GPR161: variants seen among roughly 807,000 people sequenced by gnomAD.
GPR161 encodes the protein G protein-coupled receptor 161.
Under a neutral mutation model 39.2 loss-of-function variants are expected in GPR161, and 25 were observed. The observed-to-expected ratio is 0.64, with a 90% CI of 0.47 to 0.89. The LOEUF is 0.89. GPR161 is among the 40% of genes least tolerant of loss of function. The pLI is 0.00. For missense variants in GPR161, 547 were observed against 677.8 expected (o/e 0.81, Z 2.14); for synonymous variants, 286 against 276.6 (o/e 1.03, Z -0.34).
Position 168,130,008 on chromosome 1 carries a change from T to C in GPR161, c.-45+6731A>G, listed in dbSNP as rs531925849. Among the ~76,000 whole-genome samples the C allele has an allele frequency of 2.6e-4, 39 of 152,356 alleles. No individual in the cohort carries two copies. In the South Asian group the frequency reaches 7.9e-3, roughly 31 times the overall value. Reference sequence around the variant, plus strand: ...GACACTTCTGACTCCTTTCATTTTTTTGAGACTCCCTCTTCCCTTGTCTTC... The same window carrying C: ...GACACTTCTGACTCCTTTCATTTTTCTGAGACTCCCTCTTCCCTTGTCTTC... On this transcript the variant is annotated intron_variant, in intron 1 of 5. Transcript: ENST00000682931.
At chr1:168,115,905 A>G (rs999555687) in intron 1 of GPR161, among the ~76,000 whole-genome samples, 1 of 151,904 alleles carries the variant, frequency 6.6e-6, no homozygotes, top group Non-Finnish European at 1.5e-5. Context: ...CCTCCCGAGC[A>G]GCTGAGACTA....
chr1:168,103,688 C>T (rs548609259), intron 2 of GPR161, among the ~76,000 whole-genome samples: 2 of 152,216 alleles, frequency 1.3e-5, no homozygotes, highest in Non-Finnish European at 2.9e-5. Context: ...TACTTACTCT[C>T]CTCCCCAATT....
At chr1:168,136,960 C>A (rs1470884433), upstream of GPR161, 4 of 934,026 alleles carry the variant, frequency 4.3e-6, no homozygotes, top group African/African-American at 1.9e-5. Context: ...CCCGCCCCGC[C>A]CCCCCCACGC....
In GPR161 at chr1:168,097,115, A is replaced by G. The variant is rs1695628323; in HGVS notation, c.492T>C (p.Phe164=). The G allele has an allele frequency of 6.2e-7, 1 of 1,614,040 alleles. No homozygotes were observed. The highest frequency in any genetic ancestry group is 1.7e-5 in the Admixed American group (1 of 60,008). ...CGTCAAACTCCACGGATGACCAACC[A>G]AACAGGGGTGGCAGGCAGCCGATGA... The part of the protein sequence containing the change: ...HSLIGCLPPL[F]GWSSVEFDEF... The change falls in exon 3 of 6, where the codon TTT becomes TTC. Residue 164 remains phenylalanine (F), a synonymous_variant. Coordinates refer to ENST00000682931, the MANE Select transcript of GPR161 (RefSeq NM_001375883.1).
intron 1 of GPR161, among the ~76,000 whole-genome samples, chr1:168,106,555 C>A (rs1696647236): frequency 6.6e-6 from 1 of 152,204 alleles, no homozygotes; most frequent in African/African-American, 2.4e-5. Flanking sequence ...TCACTGAGCT[C>A]CAGCCTGGGT....
chr1:168,105,255 C>G (rs573939765), intron 1 of GPR161, among the ~76,000 whole-genome samples: 10 of 152,284 alleles, frequency 6.6e-5, no homozygotes, highest in African/African-American at 2.4e-4. Context: ...AGATCACAGG[C>G]ACAACCTAGG....
At chr1:168,099,420 A>ACGGC (rs1031256801) in intron 2 of GPR161, among the ~76,000 whole-genome samples, 2 of 152,302 alleles carry the variant, frequency 1.3e-5, no homozygotes, top group Non-Finnish European at 2.9e-5. Flanking sequence ...TCGGTAGTGT[A>ACGGC]CGGCCGGTTG....
chr1:168,103,283 C>T (rs999969336), intron 2 of GPR161, among the ~76,000 whole-genome samples: 1 of 151,990 alleles, frequency 6.6e-6, no homozygotes, highest in African/African-American at 2.4e-5. Flanking sequence ...GAGCCAGAAG[C>T]CTATTTCAAA....
intron 2 of GPR161, among the ~76,000 whole-genome samples, chr1:168,097,895 GAGAAAGAC>G (rs560597210): frequency 2.4e-4 from 36 of 152,298 alleles, no homozygotes; most frequent in African/African-American, 8.4e-4. Context: ...AGACCCATGG[GAGAAAGAC>G]AGAAAGCCAG....
chr1:168,132,979 A>G (rs55869127), intron 1 of GPR161, among the ~76,000 whole-genome samples: 10,149 of 152,260 alleles, frequency 0.067, 424 homozygotes, highest in Middle Eastern at 0.099. Context: ...TCCTGACCTC[A>G]GATGATCTGC....
At chr1:168,107,210 T>C (rs1696692419) in intron 1 of GPR161, among the ~76,000 whole-genome samples, 1 of 150,752 alleles carries the variant, frequency 6.6e-6, no homozygotes, top group African/African-American at 2.4e-5. Flanking sequence ...AAGAACTAGT[T>C]AAAAAAAAAT....
At chr1:168,124,654 A>G (rs1698452885) in intron 1 of GPR161, among the ~76,000 whole-genome samples, 1 of 152,194 alleles carries the variant, frequency 6.6e-6, no homozygotes, top group Non-Finnish European at 1.5e-5. Flanking sequence ...TGATTCCCTT[A>G]AGACTGGTAA....
At chr1:168,136,206 C>G in intron 1 of GPR161, 1 of 1,278,474 alleles carries the variant, frequency 7.8e-7, no homozygotes, top group Non-Finnish European at 9.9e-7. Flanking sequence ...GCCGCCCGCC[C>G]AGGCTCGGGG....
chr1:168,111,641 C>T (rs986980131), intron 1 of GPR161, among the ~76,000 whole-genome samples: 1 of 152,160 alleles, frequency 6.6e-6, no homozygotes, highest in Non-Finnish European at 1.5e-5. Flanking sequence ...CCTGAAGTCA[C>T]CTTTCTCCTG....
intron 1 of GPR161, among the ~76,000 whole-genome samples, chr1:168,129,500 G>A (rs1698832379): frequency 6.6e-6 from 1 of 152,142 alleles, no homozygotes; most frequent in Non-Finnish European, 1.5e-5. Context: ...GGTGAAGGGG[G>A]GACTGCAAGG....
At chr1:168,115,971 G>T (rs560830158) in intron 1 of GPR161, among the ~76,000 whole-genome samples, 3 of 152,032 alleles carry the variant, frequency 2.0e-5, no homozygotes, top group Admixed American at 6.6e-5. Context: ...TAAAGACGGG[G>T]TTTCACTGTG....
At chr1:168,115,889 C>A (rs1464797269) in intron 1 of GPR161, among the ~76,000 whole-genome samples, 1 of 152,048 alleles carries the variant, frequency 6.6e-6, no homozygotes, top group African/African-American at 2.4e-5. Flanking sequence ...CATTCTCCTG[C>A]CTCAGCCTCC....
Position 168,082,272 on chromosome 1 carries a change from C to T in GPR161, c.*3259G>A, listed in dbSNP as rs935495510. ...TCACTCAGTGGCAATACCTGTGAAC[C>T]TGGATGGGGTCATGCATGTAAGCAG... On this transcript the variant is annotated 3_prime_UTR_variant, in exon 6 of 6. Transcript: ENST00000682931. The T allele has an allele frequency of 6.6e-6, 1 of 152,214 alleles. No individual in the cohort carries two copies. The highest frequency in any genetic ancestry group is 2.4e-5 in the African/African-American group (1 of 41,430). 9.4% of individuals were successfully genotyped at this position (152,214 alleles called of 1,614,324 possible).
At chr1:168,086,293 C>T (rs186673851) in intron 5 of GPR161, among the ~76,000 whole-genome samples, 3 of 152,288 alleles carry the variant, frequency 2.0e-5, no homozygotes, top group South Asian at 4.1e-4. Context: ...CAAGGTTGGA[C>T]GTGACATTAC....
Sources: gnomAD v4.1 joint callset for allele counts (sites outside exome capture counted in the v4.1 genomes callset) on GRCh38, gnomAD v4.1.1 for gene constraint, MANE v1.5 for transcripts, NCBI Gene and HGNC (gene_info 2026-07-23, HGNC 2026-07-21) for gene names.